The following HIBCH variants were observed in gnomAD, a reference collection of about 807,000 sequenced individuals.
HIBCH encodes the protein 3-hydroxyisobutyryl-CoA hydrolase.
Under a neutral mutation model 58.2 loss-of-function variants are expected in HIBCH, and 50 were observed. That is an observed-to-expected ratio of 0.86 (90% confidence interval 0.68 to 1.09). The LOEUF (loss-of-function observed/expected upper bound fraction) is 1.09, where lower values mean the gene tolerates loss of function less well. Among genes scored for constraint, HIBCH ranks in the 50% least tolerant of loss-of-function variants. HIBCH has a pLI of 0.00. For missense variants in HIBCH, 450 were observed against 449.7 expected, an observed-to-expected ratio of 1.00 and a Z score of -0.01; for synonymous variants, 151 against 146.9, an observed-to-expected ratio of 1.03 and a Z score of -0.20.
intron 1 of HIBCH, among the ~76,000 whole-genome samples, chr2:190,314,323 ATATATGTATATATACATATATATGTG>A (rs1688644049): frequency 1.9e-5 from 2 of 107,220 alleles, no homozygotes; most frequent in African/African-American, 3.7e-5. Flanking sequence ...ATATATATGT[ATATATGTATATATACATATATATGTG>A]TATATATACG....
chr2:190,285,849 GT>G (rs1209914611), intron 6 of HIBCH, among the ~76,000 whole-genome samples: 5 of 151,938 alleles, frequency 3.3e-5, no homozygotes, highest in Admixed American at 6.6e-5. Flanking sequence ...ATGTCTTTTT[GT>G]TTTGTTTTGT....
At chr2:190,251,685 T>TAAA (rs551094989) in intron 8 of HIBCH, 2 of 180,406 alleles carry the variant, frequency 1.1e-5, no homozygotes, top group Non-Finnish European at 1.2e-5. Context: ...GTTTTTTTTT[T>TAAA]AAAAAAAAAA....
intron 2 of HIBCH, among the ~76,000 whole-genome samples, chr2:190,303,915 T>C (rs1296163344): frequency 2.6e-5 from 4 of 152,162 alleles, no homozygotes; most frequent in Non-Finnish European, 4.4e-5. Flanking sequence ...ACTTTTCCTC[T>C]GTCATATTCT....
chr2:190,304,242 T>C lies in HIBCH; in HGVS notation c.78+6512A>G, dbSNP rs1468679434. Among the ~76,000 whole-genome samples, 2 of 107,446 alleles carry C rather than the reference T, an allele frequency of 1.9e-5. No homozygotes were observed. Among genetic ancestry groups the C allele is most frequent in the South Asian group, 3.5e-4 (1 of 2,898 alleles). The allele number at this position is 107,446 out of a possible 152,430, so 70.5% of individuals were successfully genotyped here. A position where few individuals can be genotyped will look rare whatever the true frequency, so the allele number is the denominator to read the frequency against. ...GCTCACACCAGAATACCTGAAACTG[T>C]GTAATTTGTTAAAAAAAAAAAAAAA... On this transcript the variant is annotated intron_variant, in intron 2 of 13. Transcript: ENST00000359678. The surrounding 1 kb of genome is among the most constrained non-coding windows in gnomAD (Gnocchi z 4.1).
intron 10 of HIBCH, 78 bp downstream of exon 10, chr2:190,246,076 G>T: frequency 1.2e-6 from 1 of 816,936 alleles, no homozygotes. Context: ...TAATTAAAAT[G>T]GTAATTATAA....
At chr2:190,189,995 G>A (rs542799714) in exon 2 of HIBCH, 14 of 152,270 alleles carry the variant, frequency 9.2e-5, no homozygotes, top group South Asian at 2.1e-4. Flanking sequence ...GCCCATAGGC[G>A]GTCTTTTTCA....
At chr2:190,191,746 T>C (rs1386545404) in intron 1 of HIBCH, among the ~76,000 whole-genome samples, 1 of 152,232 alleles carries the variant, frequency 6.6e-6, no homozygotes. Context: ...TGTACTTATA[T>C]TTGCTATCTA....
At chr2:190,258,970 G>T (rs1053749423) in intron 7 of HIBCH, among the ~76,000 whole-genome samples, 1 of 152,094 alleles carries the variant, frequency 6.6e-6, no homozygotes, top group African/African-American at 2.4e-5. Flanking sequence ...TTCTTTTCCA[G>T]TGGTCTACGT....
At chr2:190,284,784 T>A (rs1289605704) in intron 6 of HIBCH, among the ~76,000 whole-genome samples, 1 of 152,188 alleles carries the variant, frequency 6.6e-6, no homozygotes, top group Admixed American at 6.5e-5. Context: ...TTTTAAAAAA[T>A]TTACCTGAGC....
intron 11 of HIBCH, among the ~76,000 whole-genome samples, chr2:190,224,772 G>A (rs556761232): frequency 2.0e-5 from 3 of 152,196 alleles, no homozygotes; most frequent in African/African-American, 7.2e-5. Context: ...ACTCAGCTCT[G>A]CACCAAGTGG....
At chr2:190,199,160 C>T (rs112797530), downstream of HIBCH, among the ~76,000 whole-genome samples, 1 of 152,124 alleles carries the variant, frequency 6.6e-6, no homozygotes, top group Non-Finnish European at 1.5e-5. Context: ...TGGGGAGGAA[C>T]AAAATTTTGA....
chr2:190,274,486 T>C (rs907125955), intron 6 of HIBCH, among the ~76,000 whole-genome samples: 1 of 152,200 alleles, frequency 6.6e-6, no homozygotes, highest in Non-Finnish European at 1.5e-5. Context: ...CCATTCCAAT[T>C]CCCACTTCTC....
At position 190,217,799 on chromosome 2, in the gene HIBCH, C is replaced by T. The variant is rs117185519; in HGVS notation, c.892-4724G>A. ...AAAACAGCCACATAAACAGCTGAAC[C>T]GGGGTGAGCACATTACACTCGGGTC... is the stretch of plus-strand genomic sequence containing the variant. On this transcript the variant is annotated intron_variant, in intron 11 of 13. Coordinates refer to ENST00000359678, the MANE Select transcript of HIBCH (RefSeq NM_014362.4). The surrounding 1 kb of genome is among the most constrained non-coding windows in gnomAD (Gnocchi z 4.6). Among the ~76,000 whole-genome samples the T allele has an allele frequency of 7.9e-5, 12 of 152,176 alleles. No homozygotes were observed. The East Asian group carries it at 1.9e-3, about 25-fold the overall frequency.
intron 9 of HIBCH, among the ~76,000 whole-genome samples, chr2:190,248,335 T>G (rs1489489511): frequency 7.3e-5 from 11 of 151,056 alleles, no homozygotes; most frequent in Non-Finnish European, 1.2e-4. Flanking sequence ...CGTCTATGGG[T>G]TTTTTTTTCT....
chr2:190,218,015 G>C lies in HIBCH; in HGVS notation c.892-4940C>G, dbSNP rs527786413. 5.9e-5 allele frequency among the ~76,000 whole-genome samples: 9 copies of C among 152,214 alleles called. No individual in the cohort carries two copies. The East Asian group carries it at 1.7e-3, about 29-fold the overall frequency. ...GGGTAAAAGGAAACCCTATTGGATA[G>C]GGCCCAGTACTAGGGGTGGAAAGTA... On this transcript the variant is annotated intron_variant, in intron 11 of 13. Coordinates refer to ENST00000359678, the MANE Select transcript of HIBCH (RefSeq NM_014362.4).
At chr2:190,195,624 T>C (rs1689933835) in intron 1 of HIBCH, among the ~76,000 whole-genome samples, 1 of 152,246 alleles carries the variant, frequency 6.6e-6, no homozygotes, top group South Asian at 2.1e-4. Context: ...ATTTGTATTG[T>C]TGACTTTTAA....
chr2:190,267,292 T>G (rs1162448426), intron 6 of HIBCH, among the ~76,000 whole-genome samples: 2 of 151,426 alleles, frequency 1.3e-5, no homozygotes, highest in African/African-American at 4.9e-5. Context: ...GCAACTTCTG[T>G]GTCCTGGGTT....
chr2:190,273,584 T>C (rs1687464679), intron 6 of HIBCH, among the ~76,000 whole-genome samples: 1 of 152,102 alleles, frequency 6.6e-6, no homozygotes, highest in Admixed American at 6.6e-5. Context: ...TATATAAACA[T>C]ACACCCTATA....
At chr2:190,242,877 T>C (rs1208622688) in intron 11 of HIBCH, among the ~76,000 whole-genome samples, 1 of 152,236 alleles carries the variant, frequency 6.6e-6, no homozygotes, top group Non-Finnish European at 1.5e-5. Context: ...TAAGTACTGC[T>C]AACTTTATGT....
Sources: gnomAD v4.1 joint callset for allele counts (sites outside exome capture counted in the v4.1 genomes callset) on GRCh38, gnomAD v4.1.1 for gene constraint, Gnocchi (gnomAD v3.1) non-coding constraint, MANE v1.5 for transcripts, NCBI Gene and HGNC (gene_info 2026-07-23, HGNC 2026-07-21) for gene names.